TUBGCP4: variants seen among roughly 807,000 people sequenced by gnomAD.
The protein encoded by TUBGCP4 is tubulin gamma complex component 4, also known as gamma-tubulin complex component 4.
Under a neutral mutation model 91.6 loss-of-function variants are expected in TUBGCP4, and 54 were observed. The observed-to-expected ratio is 0.59, with a 90% CI of 0.47 to 0.74. The LOEUF (loss-of-function observed/expected upper bound fraction) is 0.74, where lower values mean the gene tolerates loss of function less well. Ranked by LOEUF, TUBGCP4 falls within the 30% of genes least tolerant of loss-of-function variation. The pLI, the probability that TUBGCP4 is intolerant of heterozygous loss-of-function variation, is 0.00. For synonymous variants in TUBGCP4, 297 were observed against 302.8 expected (o/e 0.98, Z 0.20); for missense variants, 593 against 800.9 (o/e 0.74, Z 3.13).
intron 4 of TUBGCP4, chr15:43,377,630 A>G: frequency 2.1e-6 from 1 of 481,122 alleles, no homozygotes; most frequent in Non-Finnish European, 3.6e-6. Flanking sequence ...AAAAAAAAAG[A>G]AAAAAGAAAA....
rs1595515827 is a variant in TUBGCP4 at position 43,408,686 on chromosome 15, A to G, written c.*3472A>G. 2 of 568,198 alleles carry G rather than the reference A, an allele frequency of 3.5e-6. No homozygotes were observed. Among genetic ancestry groups the G allele is most frequent in the Non-Finnish European group, 6.3e-6 (2 of 317,960 alleles). The allele number at this position is 568,198 out of a possible 1,614,324, so 35.2% of individuals were successfully genotyped here. A position where few individuals can be genotyped will look rare whatever the true frequency, so the allele number is the denominator to read the frequency against. On this transcript the variant is annotated 3_prime_UTR_variant, in exon 18 of 18. Coordinates refer to ENST00000564079, the MANE Select transcript of TUBGCP4 (RefSeq NM_014444.5). Reference sequence around the variant, plus strand: ...CAGGTTGAGAATATTGAACCTATATACAAATCTTCACACATTTGCAAAAGG... The same window carrying G: ...CAGGTTGAGAATATTGAACCTATATGCAAATCTTCACACATTTGCAAAAGG...
chr15:43,379,525 G>A (rs770010531), intron 5 of TUBGCP4, among the ~76,000 whole-genome samples: 5 of 151,540 alleles, frequency 3.3e-5, no homozygotes, highest in Non-Finnish European at 7.4e-5. Flanking sequence ...TGCCTGTGTC[G>A]CACTACTCGG....
chr15:43,405,311 T>G lies in TUBGCP4; in HGVS notation c.*97T>G. ...TTCTAGCCACACACAAATAAATATC[T>G]GCGGCTTAGTGATAGGACTCTACCT... On this transcript the variant is annotated 3_prime_UTR_variant, in exon 18 of 18. Transcript: ENST00000564079. 7.2e-7 allele frequency: 1 copy of G among 1,396,526 alleles called. No individual in the cohort carries two copies. Among genetic ancestry groups the G allele is most frequent in the Non-Finnish European group, 1.0e-6 (1 of 987,880 alleles). The allele number at this position is 1,396,526 out of a possible 1,614,324, so 86.5% of individuals were successfully genotyped here.
intron 7 of TUBGCP4, among the ~76,000 whole-genome samples, chr15:43,384,017 T>G (rs2044321941): frequency 6.6e-6 from 1 of 152,218 alleles, no homozygotes; most frequent in South Asian, 2.1e-4. Context: ...TTTTGTCATG[T>G]TGGCCAGGCT....
chr15:43,404,386 A>G (rs2044785604), intron 16 of TUBGCP4, 27 bp from the exon 17 acceptor site: 2 of 1,613,452 alleles, frequency 1.2e-6, no homozygotes, highest in Non-Finnish European at 1.7e-6. Flanking sequence ...CTGAAGTGGA[A>G]TGACAGCTGA....
chr15:43,408,117 C>T lies in TUBGCP4; in HGVS notation c.*2903C>T, dbSNP rs1185567039. 1.9e-6 allele frequency: 3 copies of T among 1,607,006 alleles called. No individual in the cohort carries two copies. The highest frequency in any genetic ancestry group is 2.5e-6 in the Non-Finnish European group (3 of 1,176,586). On this transcript the variant is annotated 3_prime_UTR_variant, in exon 18 of 18. Transcript: ENST00000564079. ...TGAAGGAGACAGGAAAGGACCTTAGCATGACAAGTAATATCCAACAAACTG... is the reference window on the plus strand; with the variant it reads ...TGAAGGAGACAGGAAAGGACCTTAGTATGACAAGTAATATCCAACAAACTG...
rs533689445 is a variant in TUBGCP4, at chr15:43,406,583, C to T, written c.*1369C>T. 6.1e-5 allele frequency: 28 copies of T among 455,980 alleles called. No individual in the cohort carries two copies. The highest frequency in any genetic ancestry group is 3.9e-4 in the South Asian group (25 of 64,548). 28.2% of individuals were successfully genotyped at this position (455,980 alleles called of 1,614,324 possible). On this transcript the variant is annotated 3_prime_UTR_variant, in exon 18 of 18. Coordinates refer to ENST00000564079, the MANE Select transcript of TUBGCP4 (RefSeq NM_014444.5). ...TGGCCCACAAAGCCTGAAATATTTA[C>T]TCTTTGACCCTTTACAGAAAAAAAC...
chr15:43,395,023 A>G (rs923260633), intron 9 of TUBGCP4, 84 bp from the exon 10 acceptor site: 21 of 1,444,106 alleles, frequency 1.5e-5, no homozygotes, highest in Non-Finnish European at 2.0e-5. Flanking sequence ...CTTTTAATAC[A>G]TTGCTGGATT....
chr15:43,376,942 T>G (rs941432531), intron 3 of TUBGCP4, 72 bp from the exon 4 acceptor site: 4 of 1,295,242 alleles, frequency 3.1e-6, no homozygotes, highest in African/African-American at 1.5e-5. Context: ...GAGATTCTCT[T>G]CTCATTTTCA....
intron 7 of TUBGCP4, among the ~76,000 whole-genome samples, chr15:43,383,873 T>C (rs2044320252): frequency 6.6e-6 from 1 of 152,104 alleles, no homozygotes; most frequent in South Asian, 2.1e-4. Context: ...CAATCTTGGC[T>C]CACTGCAGCC....
At position 43,371,105 on chromosome 15, in the gene TUBGCP4, T is replaced by C. The variant is rs2044109700; in HGVS notation, c.-250T>C. 17 of 575,890 alleles carry C rather than the reference T, an allele frequency of 3.0e-5. No homozygotes were observed. The South Asian group carries it at 3.2e-4, about 11-fold the overall frequency. 35.7% of individuals were successfully genotyped at this position (575,890 alleles called of 1,614,324 possible). On this transcript the variant is annotated 5_prime_UTR_variant, in exon 1 of 18. Transcript: ENST00000564079. ...CGAGGGCAGCGACCGCGACTCAGTCTCCGCAGAGCCCGGGCGGGAGTAGCT... is the reference window on the plus strand; with the variant it reads ...CGAGGGCAGCGACCGCGACTCAGTCCCCGCAGAGCCCGGGCGGGAGTAGCT...
At chr15:43,401,131 G>A (rs960447936) in intron 14 of TUBGCP4, among the ~76,000 whole-genome samples, 3 of 152,010 alleles carry the variant, frequency 2.0e-5, no homozygotes, top group South Asian at 2.1e-4. Flanking sequence ...GTCAGTAGAC[G>A]GAATGTGGCC....
intron 15 of TUBGCP4, chr15:43,402,359 A>C (rs2142887103): frequency 6.5e-6 from 1 of 153,524 alleles, no homozygotes; most frequent in Non-Finnish European, 1.5e-5. Flanking sequence ...ATGTCTTTGA[A>C]TTTCTGAAAT....
rs1366501608 is a variant in TUBGCP4 at position 43,398,107 on chromosome 15, G to A, written c.1346G>A (p.Trp449Ter). The change falls in exon 13 of 18, where the codon TGG becomes TAG. Residue 449 changes from tryptophan (W) to a stop codon, truncating the protein, a stop_gained. Transcript: ENST00000564079. LOFTEE classifies it high-confidence loss of function. ...CCCCGGGAAGCCCCTGCATCTGGCT[G>A]GGCAGCCCTAGGTCTTTCCTACAAA... Reference protein sequence around the residue: ...TSPREAPASGWAALGLSYKVQ... With the variant: ...TSPREAPASG The A allele has an allele frequency of 1.2e-6, 2 of 1,613,948 alleles. No individual in the cohort carries two copies. The highest frequency in any genetic ancestry group is 1.7e-6 in the Non-Finnish European group (2 of 1,179,978).
intron 9 of TUBGCP4, among the ~76,000 whole-genome samples, chr15:43,388,213 A>G (rs2044411816): frequency 6.6e-6 from 1 of 152,174 alleles, no homozygotes; most frequent in Admixed American, 6.5e-5. Context: ...GGGTTTTTGA[A>G]ACAGACAGGA....
At chr15:43,388,604 A>G (rs1054252318) in intron 9 of TUBGCP4, among the ~76,000 whole-genome samples, 2 of 152,248 alleles carry the variant, frequency 1.3e-5, no homozygotes, top group Non-Finnish European at 2.9e-5. Context: ...TTTATTATAA[A>G]TCTTTGGAAA....
Position 43,407,589 on chromosome 15 carries a change from A to G in TUBGCP4, c.*2375A>G. ...GCAATATCTGCAAGGAGCAAGGGAA[A>G]GTGAAGAAGGAAAGGACACTCAACT... On this transcript the variant is annotated 3_prime_UTR_variant, in exon 18 of 18. Coordinates refer to ENST00000564079, the MANE Select transcript of TUBGCP4 (RefSeq NM_014444.5). The G allele has an allele frequency of 1.3e-6, 2 of 1,598,950 alleles. No individual in the cohort carries two copies. The highest frequency in any genetic ancestry group is 1.7e-6 in the Non-Finnish European group (2 of 1,170,568).
intron 13 of TUBGCP4, chr15:43,398,381 A>AT: frequency 2.7e-6 from 1 of 371,308 alleles, no homozygotes; most frequent in African/African-American, 3.8e-5. Context: ...CCCCCATCTC[A>AT]TAAAAAAAAA....
At position 43,377,077 on chromosome 15, in the gene TUBGCP4, C is replaced by T; in HGVS notation, c.384+10C>T. On this transcript the variant is annotated intron_variant, in intron 4 of 17. Transcript: ENST00000564079. The stretch of plus-strand genomic sequence containing the variant: ...CTACTTCCTAGACCAGGTATGCTGC[C>T]CAAATAACCAAATGCCTTGCAATCT... 1 of 1,601,282 alleles carries T rather than the reference C, an allele frequency of 6.2e-7. No individual in the cohort carries two copies. Among genetic ancestry groups the T allele is most frequent in the Non-Finnish European group, 8.6e-7 (1 of 1,168,388 alleles).
Sources: allele counts gnomAD v4.1 joint callset (sites outside exome capture counted in the v4.1 genomes callset), GRCh38; gene constraint gnomAD v4.1.1; transcripts MANE v1.5; gene names NCBI Gene and HGNC (gene_info 2026-07-23, HGNC 2026-07-21).